Variants in ZNF469 observed in about 807,000 individuals in gnomAD.
The protein encoded by ZNF469 is zinc finger protein 469.
In ZNF469, 1 loss-of-function variant was observed where a neutral mutation model predicts 1.0. The ratio of observed to expected loss-of-function variants is 1.00; its 90% CI spans 0.35 to 4.73. ZNF469 has a LOEUF of 4.73. Ranked by LOEUF, ZNF469 falls within the 30% of genes most tolerant of loss-of-function variation. ZNF469 has a pLI of 0.16. For synonymous variants in ZNF469, 2,703 were observed against 2,363.4 expected (o/e 1.14, Z -4.17); for missense variants, 6,100 against 5,356.3 (o/e 1.14, Z -4.33).
Position 88,422,804 on chromosome 16 carries a change from ACAGATGGG to A in ZNF469, c.-191-1994_-191-1987del, listed in dbSNP as rs1597202775. Among the ~76,000 whole-genome samples the A allele has an allele frequency of 3.0e-5, 4 of 131,954 alleles. No individual in the cohort carries two copies. In the East Asian group the frequency reaches 7.5e-4, roughly 25 times the overall value. 86.6% of individuals were successfully genotyped at this position (131,954 alleles called of 152,430 possible). A position where few individuals can be genotyped will look rare whatever the true frequency, so the allele number is the denominator to read the frequency against. On this transcript the variant is annotated intron_variant, in intron 1 of 2. Coordinates refer to ENST00000565624, the MANE Select transcript of ZNF469 (RefSeq NM_001367624.2). ...GTTGGATGGATGGATGGGTGGATGG[ACAGATGGG>A]CAGATGGGTGGGTGGGTGATGGATG...
At chr16:88,213,078 T>A in the ZNF469 span, among the ~76,000 whole-genome samples, 239 of 152,106 alleles carry the variant, frequency 1.6e-3, 1 homozygote, top group African/African-American at 5.4e-3. Context: ...TCACTTGAAA[T>A]GTTTTGATTC....
chr16:88,117,879 C>A, the ZNF469 span, among the ~76,000 whole-genome samples: 1 of 152,230 alleles, frequency 6.6e-6, no homozygotes. Context: ...AAGGGAGGCT[C>A]CACACACTGC....
intron 1 of ZNF469, among the ~76,000 whole-genome samples, chr16:88,407,422 ACT>A (rs1905052988): frequency 6.6e-6 from 1 of 152,106 alleles, no homozygotes; most frequent in Non-Finnish European, 1.5e-5. Context: ...CATCAGCGTC[ACT>A]CTCTGTATCT....
intron 1 of ZNF469, among the ~76,000 whole-genome samples, chr16:88,407,534 C>T (rs186704275): frequency 1.3e-5 from 2 of 152,356 alleles, no homozygotes; most frequent in Admixed American, 1.3e-4. Context: ...GTGCATCCGA[C>T]GTCTGAGTTC....
At chr16:88,386,045 G>A (rs1018798535) in intron 1 of ZNF469, among the ~76,000 whole-genome samples, 1 of 152,158 alleles carries the variant, frequency 6.6e-6, no homozygotes, top group African/African-American at 2.4e-5. Context: ...ATAGGGAGCA[G>A]GGATGCCGGT....
the ZNF469 span, among the ~76,000 whole-genome samples, chr16:88,172,181 G>C: frequency 6.6e-6 from 1 of 152,232 alleles, no homozygotes; most frequent in Non-Finnish European, 1.5e-5. Context: ...TGCCCAAAGA[G>C]AGCGCCAGAG....
the ZNF469 span, among the ~76,000 whole-genome samples, chr16:88,334,614 C>T: frequency 2.0e-5 from 3 of 152,234 alleles, no homozygotes; most frequent in African/African-American, 7.2e-5. Context: ...GTGACCAATT[C>T]ATGTCCACCT....
Position 88,435,011 on chromosome 16 carries a change from A to G in ZNF469, c.7541A>G (p.Gln2514Arg). The G allele has an allele frequency of 6.5e-7, 1 of 1,550,344 alleles. No homozygotes were observed. Among genetic ancestry groups the G allele is most frequent in the Non-Finnish European group, 8.7e-7 (1 of 1,146,982 alleles). Reference protein sequence around the residue: ...EPSPAALPAQQPLEPLAQKCQ... With the variant: ...EPSPAALPAQRPLEPLAQKCQ... ...AGCCCAGCGGCCTTGCCTGCTCAGC[A>G]GCCTCTAGAGCCCCTAGCCCAAAAG... Residue 2514 changes from glutamine (Q) to arginine (R), a missense_variant, in exon 3 of 3, where the codon CAG (glutamine) becomes CGG (arginine). By Grantham distance (43) the Gln-to-Arg change is conservative. Transcript: ENST00000565624.
chr16:88,437,373 C>T lies in ZNF469; in HGVS notation c.9903C>T (p.Ser3301=). The T allele has an allele frequency of 3.2e-6, 5 of 1,538,816 alleles. 1 individual carries two copies. In the South Asian group the frequency reaches 4.8e-5, roughly 15 times the overall value. ...ASATALADAG[S]PGPPRTTPSP... is the part of the protein sequence containing the mutation. ...CCACCGCCCTGGCTGACGCCGGCAG[C>T]CCGGGCCCCCCCAGGACGACCCCCA... Residue 3301 remains serine (S), a synonymous_variant, in exon 3 of 3, where the codon AGC becomes AGT. Transcript: ENST00000565624.
chr16:88,337,354 C>T, the ZNF469 span, among the ~76,000 whole-genome samples: 2 of 152,326 alleles, frequency 1.3e-5, no homozygotes, highest in East Asian at 1.9e-4. Flanking sequence ...CTCTTGCCTC[C>T]TGCCATGTAA....
chr16:88,396,929 C>CTCATGAAGGGAGGCCGGGAGGAGACCT (rs747449600), intron 1 of ZNF469, among the ~76,000 whole-genome samples: 11,302 of 132,478 alleles, frequency 0.085, 854 homozygotes, highest in African/African-American at 0.14. Context: ...GGAGGAGACC[C>CTCATGAAGGGAGGCCGGGAGGAGACCT]GTCTGAAGGG....
At chr16:88,420,166 C>T (rs941255606) in intron 1 of ZNF469, among the ~76,000 whole-genome samples, 16 of 152,252 alleles carry the variant, frequency 1.1e-4, no homozygotes, top group African/African-American at 3.1e-4. Flanking sequence ...GCAGCTCCCC[C>T]TCGCCTGGAA....
the ZNF469 span, among the ~76,000 whole-genome samples, chr16:88,279,848 T>G: frequency 1.1e-5 from 1 of 88,486 alleles, no homozygotes; most frequent in South Asian, 4.3e-4. Flanking sequence ...TGCTGTGCCA[T>G]GCTGACACTC....
chr16:88,430,472 C>A lies in ZNF469; in HGVS notation c.3002C>A (p.Ala1001Asp), dbSNP rs1045848516. 112 of 1,442,460 alleles carry A rather than the reference C, an allele frequency of 7.8e-5. No individual in the cohort carries two copies. Among genetic ancestry groups the A allele is most frequent in the Non-Finnish European group, 9.7e-5 (108 of 1,107,740 alleles). The allele number at this position is 1,442,460 out of a possible 1,614,324, so 89.4% of individuals were successfully genotyped here. Residue 1001 changes from alanine to aspartate, a missense_variant, in exon 3 of 3, where the codon GCC (alanine) becomes GAC (aspartate). Physicochemically the swap from Ala to Asp is moderately radical, Grantham distance 126. Transcript: ENST00000565624. Reference sequence around the variant, plus strand: ...CGTCCCCGGCGCCCTAGAACGCAGGCCCCCGGGAGCCGCGCAGACCCCGCG... The same window carrying A: ...CGTCCCCGGCGCCCTAGAACGCAGGACCCCGGGAGCCGCGCAGACCCCGCG... ...PPRPRRPRTQ[A>D]PGSRADPAPR...
the ZNF469 span, among the ~76,000 whole-genome samples, chr16:88,245,783 C>T: frequency 5.4e-3 from 826 of 152,380 alleles, 2 homozygotes; most frequent in Non-Finnish European, 9.0e-3. Flanking sequence ...TCTGGGAACT[C>T]TCCATGCAGC....
At chr16:88,339,885 G>T in the ZNF469 span, among the ~76,000 whole-genome samples, 1 of 93,980 alleles carries the variant, frequency 1.1e-5, no homozygotes, top group Non-Finnish European at 2.0e-5. Context: ...GTGGCAGGGG[G>T]CCTGGCCATG....
At chr16:88,371,204 C>T in the ZNF469 span, among the ~76,000 whole-genome samples, 1 of 152,232 alleles carries the variant, frequency 6.6e-6, no homozygotes, top group African/African-American at 2.4e-5. Flanking sequence ...ATGGCAGCCT[C>T]CTCAGTCTGA....
At chr16:88,217,473 G>A in the ZNF469 span, among the ~76,000 whole-genome samples, 1 of 151,108 alleles carries the variant, frequency 6.6e-6, no homozygotes. Flanking sequence ...TAAGTTTTAG[G>A]GTACATGTGC....
chr16:88,380,107 A>G (rs1269394689), upstream of ZNF469, among the ~76,000 whole-genome samples: 2 of 148,774 alleles, frequency 1.3e-5, no homozygotes, highest in African/African-American at 5.1e-5. Flanking sequence ...ACTCACAGAC[A>G]TGCACTCATA....
Sources: allele counts gnomAD v4.1 joint callset (sites outside exome capture counted in the v4.1 genomes callset), GRCh38; gene constraint gnomAD v4.1.1; transcripts MANE v1.5; gene names NCBI Gene and HGNC (gene_info 2026-07-23, HGNC 2026-07-21).